CACNA1C: variants seen among roughly 807,000 people sequenced by gnomAD.
CACNA1C encodes voltage-dependent L-type calcium channel subunit alpha-1C.
A neutral mutation model predicts 229.0 loss-of-function variants in CACNA1C; 30 were observed. That is an observed-to-expected ratio of 0.13 (90% confidence interval 0.10 to 0.18). The LOEUF (loss-of-function observed/expected upper bound fraction) is 0.18. Among genes scored for constraint, CACNA1C ranks in the 10% least tolerant of loss-of-function variants. The pLI, the probability that CACNA1C is intolerant of heterozygous loss-of-function variation, is 1.00. For synonymous variants in CACNA1C, 1,114 were observed against 1,132.5 expected (o/e 0.98, Z 0.33); for missense variants, 1,658 against 2,845.0 (o/e 0.58, Z 9.49).
At chr12:2,136,055 G>C in intron 3 of CACNA1C, among the ~76,000 whole-genome samples, 1 of 150,866 alleles carries the variant, frequency 6.6e-6, no homozygotes, top group Non-Finnish European at 1.5e-5. Flanking sequence ...ATTCGGGTGG[G>C]AGTGACCCAA....
intron 3 of CACNA1C, among the ~76,000 whole-genome samples, chr12:2,286,775 T>C (rs1264217897): frequency 6.6e-6 from 1 of 152,104 alleles, no homozygotes; most frequent in Non-Finnish European, 1.5e-5. Context: ...GAAATGTGCG[T>C]TGGGAACTCA....
At chr12:2,089,369 C>T (rs1175133396) in intron 1 of CACNA1C, among the ~76,000 whole-genome samples, 1 of 152,192 alleles carries the variant, frequency 6.6e-6, no homozygotes, top group Non-Finnish European at 1.5e-5. Context: ...TTAAATACAA[C>T]AGAGGTCTGC....
At chr12:2,258,523 G>A (rs1372786729) in intron 3 of CACNA1C, among the ~76,000 whole-genome samples, 1 of 152,056 alleles carries the variant, frequency 6.6e-6, no homozygotes, top group African/African-American at 2.4e-5. Flanking sequence ...TTGGAGGACG[G>A]TGTTATCTTC....
chr12:2,582,201 C>T lies in CACNA1C; in HGVS notation c.2103+404C>T, dbSNP rs371922215. On this transcript the variant is annotated intron_variant, in intron 14 of 46. Coordinates refer to ENST00000399655, the MANE Select transcript of CACNA1C (RefSeq NM_000719.7). ...CTTTACTTAAATTCTCCATGAAAGC[C>T]CAAAACATAAAGAAAAGCAGACTGC... Among the ~76,000 whole-genome samples, 7 of 151,924 alleles carry T rather than the reference C, an allele frequency of 4.6e-5. No homozygotes were observed. In the South Asian group the frequency reaches 6.2e-4, roughly 14 times the overall value.
intron 3 of CACNA1C, among the ~76,000 whole-genome samples, chr12:2,273,089 G>A (rs1166561210): frequency 1.3e-5 from 2 of 152,142 alleles, no homozygotes; most frequent in African/African-American, 4.8e-5. Context: ...ATCCACAGGT[G>A]ATTGGTTCCA....
chr12:2,335,175 C>A (rs1426870440), intron 3 of CACNA1C, among the ~76,000 whole-genome samples: 1 of 152,146 alleles, frequency 6.6e-6, no homozygotes. Flanking sequence ...CCCCTGTCTT[C>A]CCCCTCACTC....
At chr12:2,345,271 C>T (rs1296693044) in intron 3 of CACNA1C, among the ~76,000 whole-genome samples, 1 of 151,830 alleles carries the variant, frequency 6.6e-6, no homozygotes, top group African/African-American at 2.4e-5. Context: ...GATGCTGTGG[C>T]ATAGATATCA....
intron 3 of CACNA1C, among the ~76,000 whole-genome samples, chr12:2,311,329 T>C (rs1025054553): frequency 2.1e-4 from 32 of 152,330 alleles, no homozygotes; most frequent in African/African-American, 7.2e-4. Context: ...ATGTAAACAT[T>C]GCAAGACGTG....
chr12:2,504,402 C>A lies in CACNA1C; in HGVS notation c.1114-440C>A. On this transcript the variant is annotated intron_variant, in intron 7 of 46. Transcript: ENST00000399655. This position sits in a 1 kb window ranked among gnomAD's most constrained non-coding sequence, Gnocchi z 6.8. ...GCCTCTTTGCTGTAACCCAATTCTG[C>A]TTCTTCTTTCCTAACTTTCCTTCGT... is the stretch of plus-strand genomic sequence containing the variant. 7.7e-7 allele frequency: 1 copy of A among 1,290,504 alleles called. No homozygotes were observed. The highest frequency in any genetic ancestry group is 1.1e-6 in the Non-Finnish European group (1 of 885,358). 79.9% of individuals were successfully genotyped at this position (1,290,504 alleles called of 1,614,324 possible). A position where few individuals can be genotyped will look rare whatever the true frequency, so the allele number is the denominator to read the frequency against.
At chr12:2,229,548 T>C (rs999434421) in intron 3 of CACNA1C, among the ~76,000 whole-genome samples, 1 of 152,000 alleles carries the variant, frequency 6.6e-6, no homozygotes, top group African/African-American at 2.4e-5. Flanking sequence ...ACACACTTTG[T>C]TGGGTGGCAG....
chr12:2,109,653 T>C (rs572676725), intron 1 of CACNA1C, among the ~76,000 whole-genome samples: 1 of 152,094 alleles, frequency 6.6e-6, no homozygotes, highest in African/African-American at 2.4e-5. Flanking sequence ...AATTTACGAG[T>C]TCTGTTTTTA....
intron 3 of CACNA1C, among the ~76,000 whole-genome samples, chr12:2,438,849 T>C (rs554618059): frequency 3.3e-5 from 5 of 151,902 alleles, no homozygotes; most frequent in African/African-American, 1.2e-4. Flanking sequence ...CAGGATCCTG[T>C]TCCCTGGGCC....
chr12:2,001,792 G>C (rs2042247478), intron 1 of CACNA1C, among the ~76,000 whole-genome samples: 2 of 152,112 alleles, frequency 1.3e-5, no homozygotes, highest in Non-Finnish European at 2.9e-5. Context: ...GTCACTTTAG[G>C]GCAGTTTTCA....
chr12:2,565,328 G>T (rs571724227), intron 11 of CACNA1C, among the ~76,000 whole-genome samples: 1 of 151,732 alleles, frequency 6.6e-6, no homozygotes, highest in Admixed American at 6.6e-5. Context: ...TTAGCCGGGC[G>T]CGGTGGCGGG....
At chr12:2,515,960 G>T (rs73046268) in intron 9 of CACNA1C, among the ~76,000 whole-genome samples, 12,849 of 152,208 alleles carry the variant, frequency 0.084, 650 homozygotes, top group Middle Eastern at 0.13. Context: ...TGGTGATAGA[G>T]CAGTGAACAA....
At chr12:2,377,173 A>G (rs1204464428) in intron 3 of CACNA1C, among the ~76,000 whole-genome samples, 1 of 152,084 alleles carries the variant, frequency 6.6e-6, no homozygotes. Context: ...CTGTCCTGGG[A>G]GCCCATAGTT....
At chr12:2,032,823 G>A (rs759121406) in intron 1 of CACNA1C, among the ~76,000 whole-genome samples, 6 of 152,170 alleles carry the variant, frequency 3.9e-5, no homozygotes, top group Admixed American at 2.0e-4. Context: ...ACATGAATGC[G>A]GCTTTTCAAA....
chr12:2,303,564 C>A (rs926119606), intron 3 of CACNA1C, among the ~76,000 whole-genome samples: 4 of 151,996 alleles, frequency 2.6e-5, no homozygotes, highest in African/African-American at 7.3e-5. Flanking sequence ...CAGGAGTTCG[C>A]GACCAGCCCG....
At chr12:2,232,226 T>TG (rs2065444283) in intron 3 of CACNA1C, among the ~76,000 whole-genome samples, 7 of 132,218 alleles carry the variant, frequency 5.3e-5, no homozygotes, top group South Asian at 2.5e-4. Context: ...AGTCTTTCCT[T>TG]GTTTTTTTTT....
Sources: allele counts gnomAD v4.1 joint callset (sites outside exome capture counted in the v4.1 genomes callset), GRCh38; gene constraint gnomAD v4.1.1; non-coding constraint Gnocchi (gnomAD v3.1); transcripts MANE v1.5; gene names NCBI Gene and HGNC (gene_info 2026-07-23, HGNC 2026-07-21).